The following C11orf65 variants were observed in gnomAD, a reference collection of about 807,000 sequenced individuals.
C11orf65 encodes protein MFI.
In C11orf65, 38 loss-of-function variants were observed where a neutral mutation model predicts 35.3. The ratio of observed to expected loss-of-function variants is 1.08; its 90% CI spans 0.83 to 1.41. The LOEUF (loss-of-function observed/expected upper bound fraction) is 1.41, where lower values mean the gene tolerates loss of function less well. Among genes scored for constraint, C11orf65 ranks in the 40% most tolerant of loss-of-function variants. The pLI, the probability that C11orf65 is intolerant of heterozygous loss-of-function variation, is 0.00. For missense variants in C11orf65, 370 were observed against 367.1 expected (o/e 1.01, Z -0.06); for synonymous variants, 105 against 114.4 (o/e 0.92, Z 0.53).
At position 108,337,470 on chromosome 11, in the gene C11orf65, G is replaced by C. The variant is rs1254124005; in HGVS notation, c.227-2178C>G. Among the ~76,000 whole-genome samples the C allele has an allele frequency of 2.6e-5, 4 of 152,222 alleles. No individual in the cohort carries two copies. In the East Asian group the frequency reaches 7.7e-4, roughly 29 times the overall value. On this transcript the variant is annotated intron_variant, in intron 2 of 3. Transcript: ENST00000524755. ...CTTTAGCAGACATCATAGTCACTTA[G>C]AGAGTTTGTTAAAAACACAGATTTC...
At chr11:108,373,263 A>G (rs2091620119) in intron 2 of C11orf65, among the ~76,000 whole-genome samples, 1 of 152,218 alleles carries the variant, frequency 6.6e-6, no homozygotes, top group South Asian at 2.1e-4. Flanking sequence ...TGATCATGCC[A>G]ATAGTGCAGA....
chr11:108,369,676 C>A (rs1278239211), intron 2 of C11orf65, among the ~76,000 whole-genome samples: 1 of 152,066 alleles, frequency 6.6e-6, no homozygotes, highest in Non-Finnish European at 1.5e-5. Context: ...GTACAGCATA[C>A]ACAGTTTTAT....
At chr11:108,344,048 G>A (rs779315718) in intron 2 of C11orf65, among the ~76,000 whole-genome samples, 24 of 152,104 alleles carry the variant, frequency 1.6e-4, no homozygotes, top group Non-Finnish European at 3.1e-4. Context: ...ACTTGCCCAA[G>A]GCCAGTGAGC....
In C11orf65 at chr11:108,383,081, T is replaced by G. The variant is rs1175895505; in HGVS notation, c.882A>C (p.Glu294Asp). The G allele has an allele frequency of 1.2e-6, 2 of 1,612,022 alleles. No individual in the cohort carries two copies. Among genetic ancestry groups the G allele is most frequent in the African/African-American group, 1.3e-5 (1 of 74,984 alleles). Reference sequence around the variant, plus strand: ...TTACATTTGGTTCTTGATAAACATTTTCATAGTAAGTATCATCTGGTATTC... The same window carrying G: ...TTACATTTGGTTCTTGATAAACATTGTCATAGTAAGTATCATCTGGTATTC... ...QMGIPDDTYY[E>D]NVYQEPNVTR... The change falls in exon 9 of 9, where the codon GAA becomes GAC. Residue 294 changes from glutamate (E) to aspartate (D), a missense_variant. By Grantham distance (45) the Glu-to-Asp change is conservative. Coordinates refer to ENST00000393084, the MANE Select transcript of C11orf65 (RefSeq NM_152587.5).
chr11:108,464,880 T>C (rs143132128), intron 1 of C11orf65, among the ~76,000 whole-genome samples: 97 of 152,226 alleles, frequency 6.4e-4, no homozygotes, highest in African/African-American at 2.2e-3. Context: ...AGCGTGCATA[T>C]TGAAACCTAA....
rs541423558 is a variant in C11orf65, at chr11:108,429,725, A to G, written c.174+2021T>C. The stretch of plus-strand genomic sequence containing the variant: ...AGAAGCATTATTCATAATAGCTAAA[A>G]CATGGAAGCAACCCAAGTGTCCATT... On this transcript the variant is annotated intron_variant, in intron 3 of 8. Transcript: ENST00000393084. Among the ~76,000 whole-genome samples, 3 of 152,370 alleles carry G rather than the reference A, an allele frequency of 2.0e-5. No homozygotes were observed. The South Asian group carries it at 6.2e-4, about 32-fold the overall frequency.
chr11:108,461,350 A>G (rs2093471244), intron 2 of C11orf65, 129 bp downstream of exon 2: 2 of 696,926 alleles, frequency 2.9e-6, no homozygotes, highest in Admixed American at 2.6e-5. Flanking sequence ...CAGTGACCCA[A>G]TATCATGCCA....
intron 6 of C11orf65, among the ~76,000 whole-genome samples, chr11:108,324,400 AAATT>A (rs1314275528): frequency 2.0e-5 from 3 of 152,126 alleles, no homozygotes; most frequent in African/African-American, 7.2e-5. Flanking sequence ...ATTTTTGAAT[AAATT>A]AATACATTTT....
At chr11:108,455,815 C>CAAA (rs112701513) in intron 2 of C11orf65, among the ~76,000 whole-genome samples, 998 of 56,078 alleles carry the variant, frequency 0.018, 59 homozygotes, top group African/African-American at 0.051. Flanking sequence ...GACTCCACCT[C>CAAA]AAAAAAAAAA....
At chr11:108,359,522 C>A (rs1423665235) in intron 2 of C11orf65, among the ~76,000 whole-genome samples, 3 of 152,012 alleles carry the variant, frequency 2.0e-5, no homozygotes, top group Admixed American at 2.0e-4. Context: ...CACACCTATT[C>A]CAAAATTGAC....
chr11:108,397,863 GTC>G (rs965874159), intron 6 of C11orf65, among the ~76,000 whole-genome samples: 11 of 152,194 alleles, frequency 7.2e-5, no homozygotes, highest in Admixed American at 7.2e-4. Flanking sequence ...ATAGAACAGA[GTC>G]TCTGCTCTGT....
In C11orf65 at chr11:108,335,063, T is replaced by G. The variant is rs876659735; in HGVS notation, c.299+157A>C. ...GGAGGTGTAAATTTACCAAAAATAA[T>G]AGATTGTGTAGGTTCCGATGGCAAG... On this transcript the variant is annotated intron_variant, in intron 3 of 3. Coordinates refer to the C11orf65 transcript ENST00000524755. 1 of 1,613,936 alleles carries G rather than the reference T, an allele frequency of 6.2e-7. No homozygotes were observed. The highest frequency in any genetic ancestry group is 1.7e-5 in the Admixed American group (1 of 59,994).
At chr11:108,356,402 G>A (rs1949617824) in intron 2 of C11orf65, among the ~76,000 whole-genome samples, 1 of 152,030 alleles carries the variant, frequency 6.6e-6, no homozygotes, top group Non-Finnish European at 1.5e-5. Flanking sequence ...TGGGCGTGAT[G>A]GCGGGCACCT....
chr11:108,467,888 G>T (rs1315796753), upstream of C11orf65, among the ~76,000 whole-genome samples: 2 of 152,126 alleles, frequency 1.3e-5, no homozygotes, highest in Non-Finnish European at 2.9e-5. Flanking sequence ...GCAGTGGCGC[G>T]ATCTCGGCTC....
intron 2 of C11orf65, chr11:108,366,290 A>G (rs2091326366): frequency 4.8e-6 from 1 of 208,170 alleles, no homozygotes; most frequent in African/African-American, 2.3e-5. Flanking sequence ...TCAGATGTAT[A>G]TAATCTCTTT....
intron 6 of C11orf65, among the ~76,000 whole-genome samples, chr11:108,398,166 C>T (rs542795579): frequency 6.6e-6 from 1 of 152,184 alleles, no homozygotes; most frequent in South Asian, 2.1e-4. Flanking sequence ...TTAGAAACAT[C>T]AGTTTAGTGT....
At chr11:108,347,408 T>G in intron 2 of C11orf65, 1 of 1,448,988 alleles carries the variant, frequency 6.9e-7, no homozygotes, top group East Asian at 2.3e-5. Context: ...TAGTAAATAT[T>G]TGGTCATCAT....
chr11:108,345,981 C>T (rs2137045066), intron 2 of C11orf65: 1 of 1,557,422 alleles, frequency 6.4e-7, no homozygotes, highest in South Asian at 1.1e-5. Context: ...TGATTCAGCA[C>T]TTTTTCTACA....
downstream of C11orf65, among the ~76,000 whole-genome samples, chr11:108,379,462 T>A: frequency 1.7e-5 from 2 of 114,450 alleles, no homozygotes; most frequent in Admixed American, 1.1e-4. Context: ...AACATCACAC[T>A]CTGGGGACTG....
Sources: allele counts gnomAD v4.1 joint callset (sites outside exome capture counted in the v4.1 genomes callset), GRCh38; gene constraint gnomAD v4.1.1; transcripts MANE v1.5; gene names NCBI Gene and HGNC (gene_info 2026-07-23, HGNC 2026-07-21).